The following ATRX variants were observed in gnomAD, a reference collection of about 807,000 sequenced individuals.
ATRX encodes chromatin remodeler ATRX.
In ATRX, 12 loss-of-function variants were observed where a neutral mutation model predicts 172.6. That is an observed-to-expected ratio of 0.07 (90% CI 0.04 to 0.11). ATRX has a LOEUF of 0.11. Ranked by LOEUF, ATRX falls within the 10% of genes least tolerant of loss-of-function variation. The pLI, the probability that ATRX is intolerant of heterozygous loss-of-function variation, is 1.00. For missense variants in ATRX, 1,368 were observed against 1,767.4 expected (o/e 0.77, Z 4.05); for synonymous variants, 674 against 594.7 (o/e 1.13, Z -1.94).
chrX:77,533,766 G>A (rs2063661469), intron 30 of ATRX, among the ~76,000 whole-genome samples: 1 of 111,328 alleles, frequency 9.0e-6, no homozygotes, highest in African/African-American at 3.3e-5. Context: ...CATGTATTCT[G>A]GAACTTAAAA....
chrX:77,581,429 A>G (rs1457190725), intron 27 of ATRX, among the ~76,000 whole-genome samples: 2 of 112,210 alleles, frequency 1.8e-5, no homozygotes, highest in East Asian at 5.5e-4. Context: ...TATATAGGAC[A>G]AAATAGATTT....
At chrX:77,593,931 C>T in intron 25 of ATRX, 82 bp from the exon 26 acceptor site, 1 of 964,557 alleles carries the variant, frequency 1.0e-6, no homozygotes, top group Non-Finnish European at 1.5e-6. Flanking sequence ...AAGACCTACC[C>T]ATGGGGAGAG....
intron 12 of ATRX, among the ~76,000 whole-genome samples, chrX:77,660,204 T>C (rs982543137): frequency 8.9e-6 from 1 of 112,118 alleles, no homozygotes; most frequent in Non-Finnish European, 1.9e-5. Context: ...TGTTGTGATA[T>C]ATAACATGCT....
At chrX:77,512,180 A>C (rs1557036851) in intron 34 of ATRX, among the ~76,000 whole-genome samples, 1 of 111,926 alleles carries the variant, frequency 8.9e-6, no homozygotes, top group African/African-American at 3.3e-5. Context: ...GAGATATTTA[A>C]AAGGGGTGAA....
intron 30 of ATRX, among the ~76,000 whole-genome samples, chrX:77,541,026 G>C (rs959386272): frequency 9.0e-6 from 1 of 111,702 alleles, no homozygotes; most frequent in East Asian, 2.8e-4. Context: ...AATGAATCCA[G>C]GAGCTGGTTG....
intron 2 of ATRX, among the ~76,000 whole-genome samples, chrX:77,712,300 A>T (rs2073149870): frequency 8.9e-6 from 1 of 112,246 alleles, no homozygotes; most frequent in African/African-American, 3.2e-5. Context: ...TATGCTGCCC[A>T]GAATTTACAA....
At chrX:77,733,256 C>T (rs2074377291) in intron 1 of ATRX, among the ~76,000 whole-genome samples, 1 of 111,244 alleles carries the variant, frequency 9.0e-6, no homozygotes, top group Non-Finnish European at 1.9e-5. Flanking sequence ...CAATGCAATC[C>T]CTATCAAAAT....
At chrX:77,748,428 G>C (rs2075167528) in intron 1 of ATRX, among the ~76,000 whole-genome samples, 1 of 110,894 alleles carries the variant, frequency 9.0e-6, no homozygotes, top group Non-Finnish European at 1.9e-5. Flanking sequence ...AGAGAACAGG[G>C]AAGTGGGGGA....
chrX:77,715,897 G>T (rs1251946457), intron 2 of ATRX, among the ~76,000 whole-genome samples: 2 of 109,910 alleles, frequency 1.8e-5, no homozygotes, highest in South Asian at 3.8e-4. Flanking sequence ...TGTACATATT[G>T]TGTGTGTCTG....
intron 28 of ATRX, among the ~76,000 whole-genome samples, chrX:77,573,407 T>A (rs1415139290): frequency 8.9e-6 from 1 of 111,754 alleles, no homozygotes. Flanking sequence ...TACTGGTTGT[T>A]AAGCAACATA....
At chrX:77,692,846 AGTGTGTGTGT>A (rs3063059) in intron 6 of ATRX, among the ~76,000 whole-genome samples, 110 of 82,102 alleles carry the variant, frequency 1.3e-3, no homozygotes, top group Middle Eastern at 6.3e-3. Flanking sequence ...CCAATATTAG[AGTGTGTGTGT>A]GTGTGTGTGT....
intron 6 of ATRX, among the ~76,000 whole-genome samples, chrX:77,690,623 T>C (rs1389322714): frequency 9.0e-6 from 1 of 111,368 alleles, no homozygotes; most frequent in African/African-American, 3.3e-5. Flanking sequence ...TGTATTATAA[T>C]CACATTATTT....
At chrX:77,525,369 C>T (rs781906115) in intron 30 of ATRX, among the ~76,000 whole-genome samples, 6 of 111,658 alleles carry the variant, frequency 5.4e-5, no homozygotes, top group Admixed American at 2.9e-4. Context: ...TGTGTAACTC[C>T]TATGCCCACC....
At chrX:77,777,106 C>T (rs1186180165) in intron 1 of ATRX, among the ~76,000 whole-genome samples, 1 of 102,257 alleles carries the variant, frequency 9.8e-6, no homozygotes, top group Non-Finnish European at 1.9e-5. Flanking sequence ...ATAATCCCTG[C>T]ACTTTGGGAG....
intron 22 of ATRX, among the ~76,000 whole-genome samples, chrX:77,614,810 A>G: frequency 8.9e-6 from 1 of 111,750 alleles, no homozygotes; most frequent in Middle Eastern, 4.7e-3. Flanking sequence ...ATCAAACAGT[A>G]GAACTTATTC....
intron 19 of ATRX, among the ~76,000 whole-genome samples, chrX:77,625,346 T>C (rs2067784430): frequency 8.9e-6 from 1 of 112,569 alleles, no homozygotes; most frequent in African/African-American, 3.2e-5. Context: ...AAGGATTTCA[T>C]GGTCAAGAAC....
chrX:77,598,288 G>T (rs2066540415), intron 25 of ATRX, among the ~76,000 whole-genome samples: 1 of 110,516 alleles, frequency 9.0e-6, no homozygotes, highest in Admixed American at 9.7e-5. Flanking sequence ...CTACTAGAGT[G>T]GGGAGAGAGA....
At chrX:77,526,206 C>T (rs2063375890) in intron 30 of ATRX, among the ~76,000 whole-genome samples, 1 of 111,971 alleles carries the variant, frequency 8.9e-6, no homozygotes, top group Non-Finnish European at 1.9e-5. Flanking sequence ...TATTGAGATA[C>T]AGTTCCTCTA....
chrX:77,785,899 A>G, intron 1 of ATRX, 83 bp downstream of exon 1: 1 of 1,123,811 alleles, frequency 8.9e-7, no homozygotes, highest in Middle Eastern at 2.4e-4. Flanking sequence ...CTAACCCACC[A>G]AGCGAACGCC....
Sources: allele counts gnomAD v4.1 joint callset (sites outside exome capture counted in the v4.1 genomes callset), GRCh38; gene constraint gnomAD v4.1.1; transcripts MANE v1.5; gene names NCBI Gene and HGNC (gene_info 2026-07-23, HGNC 2026-07-21).